The following C3orf85 variants were observed in gnomAD, a reference collection of about 807,000 sequenced individuals.
The protein encoded by C3orf85 is chromosome 3 open reading frame 85, also known as uncharacterized protein C3orf85.
C3orf85 carries 1 observed loss-of-function variant against 1.7 expected under a neutral mutation model. That is an observed-to-expected ratio of 0.60 (90% CI 0.21 to 2.86). The LOEUF is 2.86. Ranked by LOEUF, C3orf85 falls within the 30% of genes most tolerant of loss-of-function variation. The pLI is 0.22. For missense variants in C3orf85, 29 were observed against 21.3 expected (o/e 1.36, Z -0.72); for synonymous variants, 17 against 8.0 (o/e 2.13, Z -1.90).
chr3:109,137,991 G>A (rs1303028177), intron 2 of C3orf85, among the ~76,000 whole-genome samples: 1 of 152,034 alleles, frequency 6.6e-6, no homozygotes, highest in Admixed American at 6.6e-5. Flanking sequence ...AGGGGGTAAC[G>A]GTGGTGGATG....
chr3:109,142,048 C>A (rs1427309432), intron 2 of C3orf85, among the ~76,000 whole-genome samples: 1 of 152,004 alleles, frequency 6.6e-6, no homozygotes. Flanking sequence ...AATTACTTAA[C>A]AAAGAGAATA....
In C3orf85 at chr3:109,148,540, G is replaced by GT. The variant is rs371459427; in HGVS notation, c.183+159dup. The GT allele has an allele frequency of 7.2e-4, 417 of 581,290 alleles. 1 individual carries two copies. The highest frequency in any genetic ancestry group is 6.6e-3 in the African/African-American group (353 of 53,372). The allele number at this position is 581,290 out of a possible 1,614,324, so 36.0% of individuals were successfully genotyped here. ...TCTGCTTTTTCTTGCCCATGAAGTGGTTTTTGCCTGGTAAACTCTGCCTCT... is the reference window on the plus strand; with the variant it reads ...TCTGCTTTTTCTTGCCCATGAAGTGGTTTTTTGCCTGGTAAACTCTGCCTCT... On this transcript the variant is annotated intron_variant, in intron 3 of 3. Transcript: ENST00000622536.
chr3:109,146,124 T>C (rs1003933074), intron 2 of C3orf85, among the ~76,000 whole-genome samples: 2 of 152,134 alleles, frequency 1.3e-5, no homozygotes, highest in African/African-American at 4.8e-5. Context: ...ATGGTAAGGG[T>C]TATTTGTTGT....
chr3:109,140,441 G>A (rs921930823), intron 2 of C3orf85, among the ~76,000 whole-genome samples: 5 of 152,190 alleles, frequency 3.3e-5, no homozygotes, highest in Non-Finnish European at 7.3e-5. Flanking sequence ...CTGAGCTTCC[G>A]TGGGTCCACC....
chr3:109,149,649 G>A (rs1423846111), intron 3 of C3orf85, 156 bp from the exon 4 acceptor site: 3 of 382,120 alleles, frequency 7.9e-6, no homozygotes, highest in Non-Finnish European at 1.4e-5. Flanking sequence ...GAAATAAACA[G>A]ATAATTAAAA....
chr3:109,150,817 C>T lies in C3orf85; in HGVS notation c.*923C>T, dbSNP rs1052551294. 5.9e-5 allele frequency among the ~76,000 whole-genome samples: 9 copies of T among 152,272 alleles called. No individual in the cohort carries two copies. The highest frequency in any genetic ancestry group is 6.8e-3 in the Middle Eastern group (2 of 294). On this transcript the variant is annotated 3_prime_UTR_variant, in exon 4 of 4. Transcript: ENST00000622536. Reference sequence around the variant, plus strand: ...CTATTCTCTATTTTAGTTGTTCTCTCGAACAATTTATTTTTACCTTTTAAG... The same window carrying T: ...CTATTCTCTATTTTAGTTGTTCTCTTGAACAATTTATTTTTACCTTTTAAG...
At chr3:109,137,407 G>T (rs2107831207) in intron 2 of C3orf85, among the ~76,000 whole-genome samples, 1 of 151,958 alleles carries the variant, frequency 6.6e-6, no homozygotes, top group East Asian at 1.9e-4. Context: ...AAATTGAACT[G>T]AGAGGTCATT....
chr3:109,145,374 G>A (rs910162799), intron 2 of C3orf85, among the ~76,000 whole-genome samples: 2 of 152,170 alleles, frequency 1.3e-5, no homozygotes, highest in Non-Finnish European at 2.9e-5. Flanking sequence ...TAAGCCAGAC[G>A]GAAAAGAACA....
chr3:109,136,927 G>A lies in C3orf85; in HGVS notation c.49+31G>A, dbSNP rs1356071. 4.9e-4 allele frequency: 200 copies of A among 404,842 alleles called. 1 individual carries two copies. The highest frequency in any genetic ancestry group is 3.8e-3 in the African/African-American group (185 of 48,682). 25.1% of individuals were successfully genotyped at this position (404,842 alleles called of 1,614,324 possible). A position where few individuals can be genotyped will look rare whatever the true frequency, so the allele number is the denominator to read the frequency against. On this transcript the variant is annotated intron_variant, in intron 2 of 3. Coordinates refer to ENST00000622536, the MANE Select transcript of C3orf85 (RefSeq NM_001351622.2). ...AGCCTATTTCTTTTTTATTTATCAT[G>A]TCTCCTACAGCCATCAGGTTGATAA...
intron 2 of C3orf85, among the ~76,000 whole-genome samples, chr3:109,143,369 T>C (rs1576773992): frequency 6.6e-6 from 1 of 152,336 alleles, no homozygotes; most frequent in South Asian, 2.1e-4. Flanking sequence ...CTGTGGGTGC[T>C]AGTAACATAG....
chr3:109,137,986 G>C (rs910104355), intron 2 of C3orf85, among the ~76,000 whole-genome samples: 2 of 152,194 alleles, frequency 1.3e-5, no homozygotes, highest in East Asian at 1.9e-4. Flanking sequence ...TTTAGAGGGG[G>C]TAACGGTGGT....
chr3:109,148,329 G>A lies in C3orf85; in HGVS notation c.126G>A (p.Gln42=), dbSNP rs750874527. ...FLRLKRHVNL[Q]DYWDPDHSSD... ...GTCTCAAAAGACATGTAAATTTGCA[G>A]GATTACTGGGACCCAGATCACAGTT... The change falls in exon 3 of 4, where the codon CAG becomes CAA. Residue 42 remains glutamine (Q), a synonymous_variant. Coordinates refer to ENST00000622536, the MANE Select transcript of C3orf85 (RefSeq NM_001351622.2). 2.8e-6 allele frequency: 2 copies of A among 702,738 alleles called. No individual in the cohort carries two copies. The highest frequency in any genetic ancestry group is 5.2e-6 in the Non-Finnish European group (2 of 384,804). 43.5% of individuals were successfully genotyped at this position (702,738 alleles called of 1,614,324 possible).
At chr3:109,144,738 G>A (rs1706778300) in intron 2 of C3orf85, among the ~76,000 whole-genome samples, 1 of 152,046 alleles carries the variant, frequency 6.6e-6, no homozygotes, top group Non-Finnish European at 1.5e-5. Context: ...ATAATTCCAA[G>A]TAACACTATC....
intron 2 of C3orf85, among the ~76,000 whole-genome samples, chr3:109,139,974 A>G (rs570036217): frequency 6.6e-4 from 100 of 152,186 alleles, no homozygotes; most frequent in Non-Finnish European, 9.4e-4. Flanking sequence ...AGCATCCCCA[A>G]TCCCTTTCTT....
chr3:109,149,492 T>C (rs745825016), intron 3 of C3orf85: 2 of 200,888 alleles, frequency 1.0e-5, no homozygotes, highest in Non-Finnish European at 2.0e-5. Flanking sequence ...GTGTCTTCTT[T>C]ATAGAATGTT....
chr3:109,144,007 G>C (rs1455514571), intron 2 of C3orf85, among the ~76,000 whole-genome samples: 2 of 152,136 alleles, frequency 1.3e-5, no homozygotes, highest in African/African-American at 4.8e-5. Flanking sequence ...GTAAAAAAAG[G>C]GGCATGTGTA....
rs1706694917 is a variant in C3orf85 at position 109,137,663 on chromosome 3, A to ATATAT, written c.49+768_49+772dup. ...TATATATATATATATATATATATATATATATAAAATAAGCCTTCAATTCCT... is the reference window on the plus strand; with the variant it reads ...TATATATATATATATATATATATATATATATTATATAAAATAAGCCTTCAATTCCT... On this transcript the variant is annotated intron_variant, in intron 2 of 3. Coordinates refer to ENST00000622536, the MANE Select transcript of C3orf85 (RefSeq NM_001351622.2). 5.5e-5 allele frequency among the ~76,000 whole-genome samples: 8 copies of ATATAT among 144,166 alleles called. No homozygotes were observed. In the South Asian group the frequency reaches 1.7e-3, roughly 31 times the overall value. 94.6% of individuals were successfully genotyped at this position (144,166 alleles called of 152,430 possible).
chr3:109,146,056 G>C (rs1167201532), intron 2 of C3orf85, among the ~76,000 whole-genome samples: 2 of 152,194 alleles, frequency 1.3e-5, no homozygotes, highest in African/African-American at 4.8e-5. Context: ...TGGATGGTCT[G>C]ATCAAATATG....
Position 109,147,137 on chromosome 3 carries a change from A to T in C3orf85, c.50-1116A>T, listed in dbSNP as rs139719019. Among the ~76,000 whole-genome samples the T allele has an allele frequency of 2.6e-5, 4 of 152,280 alleles. No individual in the cohort carries two copies. The East Asian group carries it at 7.7e-4, about 29-fold the overall frequency. On this transcript the variant is annotated intron_variant, in intron 2 of 3. Coordinates refer to ENST00000622536, the MANE Select transcript of C3orf85 (RefSeq NM_001351622.2). ...AAATCCAATTTTTTCTTCAAGGAGCAGGTGAAACAACTTCCTTGACCGAGA... is the reference window on the plus strand; with the variant it reads ...AAATCCAATTTTTTCTTCAAGGAGCTGGTGAAACAACTTCCTTGACCGAGA...
Sources: gnomAD v4.1 joint callset for allele counts (sites outside exome capture counted in the v4.1 genomes callset) on GRCh38, gnomAD v4.1.1 for gene constraint, MANE v1.5 for transcripts, NCBI Gene and HGNC (gene_info 2026-07-23, HGNC 2026-07-21) for gene names.